FGGY: variants seen among roughly 807,000 people sequenced by gnomAD.
FGGY encodes the protein FGGY carbohydrate kinase domain containing.
Under a neutral mutation model 71.3 loss-of-function variants are expected in FGGY, and 72 were observed. The observed-to-expected ratio is 1.01, with a 90% confidence interval of 0.84 to 1.23. FGGY has a LOEUF of 1.23. FGGY is among the 50% of genes most tolerant of loss of function. The probability of loss-of-function intolerance (pLI) is 0.00; values close to 1 mark genes in which losing one functional copy is unlikely to be tolerated. For missense variants in FGGY, 668 were observed against 682.3 expected (o/e 0.98, Z 0.23); for synonymous variants, 251 against 250.3 (o/e 1.00, Z -0.02).
At chr1:59,720,859 C>A (rs1278065449) in intron 14 of FGGY, among the ~76,000 whole-genome samples, 1 of 152,164 alleles carries the variant, frequency 6.6e-6, no homozygotes, top group African/African-American at 2.4e-5. Flanking sequence ...CAAAGCCCTC[C>A]TGGCCTGGTG....
chr1:59,386,641 G>A (rs2060107399), intron 5 of FGGY, among the ~76,000 whole-genome samples: 1 of 151,836 alleles, frequency 6.6e-6, no homozygotes, highest in Non-Finnish European at 1.5e-5. Flanking sequence ...TGAGACTGTA[G>A]TATCTACATA....
chr1:59,611,697 C>T (rs1032125955), intron 9 of FGGY, among the ~76,000 whole-genome samples: 2 of 152,154 alleles, frequency 1.3e-5, no homozygotes, highest in Non-Finnish European at 2.9e-5. Flanking sequence ...GATCAAACTG[C>T]TCCGAGCTAA....
At chr1:59,507,684 A>ATTTTTTTTTTTTTTTTTTTT (rs561953004) in intron 6 of FGGY, among the ~76,000 whole-genome samples, 50 of 106,898 alleles carry the variant, frequency 4.7e-4, no homozygotes, top group African/African-American at 1.3e-3. Flanking sequence ...TGCTTGGCTA[A>ATTTTTTTTTTTTTTTTTTTT]TTTTTTTTTT....
intron 5 of FGGY, among the ~76,000 whole-genome samples, chr1:59,420,992 T>C (rs2153443100): frequency 6.6e-6 from 1 of 152,178 alleles, no homozygotes; most frequent in South Asian, 2.1e-4. Context: ...AAAAATCCAG[T>C]GTTGTCTTAC....
rs2095595073 is a variant in FGGY, at chr1:59,550,664, T to C, written c.800-3460T>C. On this transcript the variant is annotated intron_variant, in intron 7 of 15. Coordinates refer to ENST00000303721, the MANE Select transcript of FGGY (RefSeq NM_018291.5). Reference sequence around the variant, plus strand: ...GGATGAGAGAACCAGTTCAAACTTTTAGGCCATTTGTGGCAGAATTGGGGC... The same window carrying C: ...GGATGAGAGAACCAGTTCAAACTTTCAGGCCATTTGTGGCAGAATTGGGGC... 1.3e-5 allele frequency among the ~76,000 whole-genome samples: 2 copies of C among 152,218 alleles called. 1 individual carries two copies. Among genetic ancestry groups the C allele is most frequent in the South Asian group, 4.1e-4 (2 of 4,832 alleles).
At chr1:59,459,785 C>A (rs1317978667) in intron 6 of FGGY, among the ~76,000 whole-genome samples, 1 of 152,150 alleles carries the variant, frequency 6.6e-6, no homozygotes, top group African/African-American at 2.4e-5. Flanking sequence ...CAGCATGCCG[C>A]GGTTGCCTTT....
At chr1:59,373,135 C>G (rs1440309097) in intron 4 of FGGY, among the ~76,000 whole-genome samples, 1 of 151,980 alleles carries the variant, frequency 6.6e-6, no homozygotes, top group Admixed American at 6.6e-5. Context: ...TGTTTGCAGA[C>G]GACATGATTG....
chr1:59,332,250 A>C (rs1360878031), intron 2 of FGGY, among the ~76,000 whole-genome samples: 1 of 152,222 alleles, frequency 6.6e-6, no homozygotes, highest in Non-Finnish European at 1.5e-5. Flanking sequence ...TTACCAAATG[A>C]GGTTGCAGAA....
At chr1:59,749,099 C>A (rs368262204) in intron 14 of FGGY, among the ~76,000 whole-genome samples, 1 of 152,176 alleles carries the variant, frequency 6.6e-6, no homozygotes, top group African/African-American at 2.4e-5. Context: ...GGATGGCATG[C>A]CTGGAGGAGG....
chr1:59,338,045 A>G (rs1353852122), intron 2 of FGGY, among the ~76,000 whole-genome samples: 1 of 152,048 alleles, frequency 6.6e-6, no homozygotes, highest in Non-Finnish European at 1.5e-5. Flanking sequence ...GGTTTATTGA[A>G]TGTTATATTT....
intron 13 of FGGY, among the ~76,000 whole-genome samples, chr1:59,669,636 C>A (rs2097359250): frequency 6.8e-6 from 1 of 146,646 alleles, no homozygotes; most frequent in Non-Finnish European, 1.5e-5. Flanking sequence ...CTCAAGTGAT[C>A]CACCCGCCTT....
At chr1:59,373,135 C>T (rs1440309097) in intron 4 of FGGY, among the ~76,000 whole-genome samples, 8 of 152,098 alleles carry the variant, frequency 5.3e-5, no homozygotes, top group South Asian at 2.1e-4. Context: ...TGTTTGCAGA[C>T]GACATGATTG....
At chr1:59,750,907 T>TA (rs11437779) in intron 14 of FGGY, among the ~76,000 whole-genome samples, 68,531 of 146,220 alleles carry the variant, frequency 0.47, 16,958 homozygotes, top group Admixed American at 0.6. Context: ...TCAGCATCTG[T>TA]AAAAAAAAAA....
chr1:59,449,962 C>T (rs561779029), intron 5 of FGGY, among the ~76,000 whole-genome samples: 10 of 152,310 alleles, frequency 6.6e-5, no homozygotes, highest in African/African-American at 2.4e-4. Flanking sequence ...AGAGTGAGCT[C>T]TTCTCTAAAA....
At chr1:59,673,702 G>A in intron 13 of FGGY, 1 of 260,896 alleles carries the variant, frequency 3.8e-6, no homozygotes, top group South Asian at 4.9e-5. Context: ...CCCTCGGCCA[G>A]CAGAGCGCTT....
At chr1:59,451,322 C>T (rs1189184407) in intron 5 of FGGY, among the ~76,000 whole-genome samples, 1 of 150,576 alleles carries the variant, frequency 6.6e-6, no homozygotes, top group African/African-American at 2.4e-5. Flanking sequence ...TTAATATTTG[C>T]TTACTTAATG....
chr1:59,354,964 G>A (rs1459658428), intron 4 of FGGY, among the ~76,000 whole-genome samples: 4 of 152,202 alleles, frequency 2.6e-5, no homozygotes, highest in African/African-American at 9.6e-5. Context: ...CAGCAAAGGA[G>A]GTCAGCTGGG....
chr1:59,548,512 A>G lies in FGGY; in HGVS notation c.800-5612A>G, dbSNP rs192003680. On this transcript the variant is annotated intron_variant, in intron 7 of 15. Coordinates refer to ENST00000303721, the MANE Select transcript of FGGY (RefSeq NM_018291.5). ...TAAGGGGTCAAGGCATCTTTGCCCA[A>G]GGGGATGAAAGAGGGATTCAAGTCT... Among the ~76,000 whole-genome samples the G allele has an allele frequency of 1.3e-5, 2 of 152,308 alleles. 1 individual carries two copies. Among genetic ancestry groups the G allele is most frequent in the Admixed American group, 1.3e-4 (2 of 15,302 alleles).
At chr1:59,556,004 AAATAAT>A (rs1558336335) in intron 8 of FGGY, among the ~76,000 whole-genome samples, 2 of 152,160 alleles carry the variant, frequency 1.3e-5, no homozygotes, top group African/African-American at 4.8e-5. Flanking sequence ...TCCATCTCAA[AAATAAT>A]AATAATAATT....
Sources: gnomAD v4.1 joint callset for allele counts (sites outside exome capture counted in the v4.1 genomes callset) on GRCh38, gnomAD v4.1.1 for gene constraint, MANE v1.5 for transcripts, NCBI Gene and HGNC (gene_info 2026-07-23, HGNC 2026-07-21) for gene names.